Variants in GRK5 observed in about 807,000 individuals in gnomAD.
The protein encoded by GRK5 is g protein-coupled receptor kinase GRK5.
GRK5 carries 40 observed loss-of-function variants against 78.4 expected under a neutral mutation model. That is an observed-to-expected ratio of 0.51 (90% CI 0.40 to 0.66). GRK5 has a LOEUF of 0.66. Among genes scored for constraint, GRK5 ranks in the 30% least tolerant of loss-of-function variants. The pLI is 0.00. For synonymous variants in GRK5, 289 were observed against 296.8 expected, an observed-to-expected ratio of 0.97 and a Z score of 0.27; for missense variants, 598 against 759.9, an observed-to-expected ratio of 0.79 and a Z score of 2.50.
rs377141083 is a variant in GRK5 at position 119,300,241 on chromosome 10, G to A, written c.53-26275G>A. Among the ~76,000 whole-genome samples, 167 of 152,332 alleles carry A rather than the reference G, an allele frequency of 1.1e-3. 2 individuals are homozygous for A. The highest frequency in any genetic ancestry group is 4.0e-3 in the African/African-American group (166 of 41,576). ...GTTTTTAAAATGGAGAGGTGTGCAGGAAGTGAGCCAGCAAGGAAGGAGAAT... is the reference window on the plus strand; with the variant it reads ...GTTTTTAAAATGGAGAGGTGTGCAGAAAGTGAGCCAGCAAGGAAGGAGAAT... On this transcript the variant is annotated intron_variant, in intron 1 of 15. Coordinates refer to ENST00000392870, the MANE Select transcript of GRK5 (RefSeq NM_005308.3).
Position 119,423,202 on chromosome 10 carries a change from G to A in GRK5, c.376G>A (p.Val126Ile), listed in dbSNP as rs1195189085. 3 of 1,614,132 alleles carry A rather than the reference G, an allele frequency of 1.9e-6. No individual in the cohort carries two copies. The South Asian group carries it at 3.3e-5, about 18-fold the overall frequency. Residue 126 changes from valine (V) to isoleucine (I), a missense_variant, in exon 5 of 16, where the codon GTC becomes ATC. By Grantham distance (29) the Val-to-Ile change is conservative (BLOSUM62 3). Coordinates refer to ENST00000392870, the MANE Select transcript of GRK5 (RefSeq NM_005308.3). The part of the protein sequence containing the change: ...VFIAQVGQDL[V>I]SQTEEKLLQK... ...CATAGCCCAAGTTGGCCAAGACCTGGTCTCCCAGACGGAGGAGAAGCTCCT... is the reference window on the plus strand; with the variant it reads ...CATAGCCCAAGTTGGCCAAGACCTGATCTCCCAGACGGAGGAGAAGCTCCT...
chr10:119,299,432 C>CAAAAAAAAA (rs35231977), intron 1 of GRK5, among the ~76,000 whole-genome samples: 1 of 124,066 alleles, frequency 8.1e-6, no homozygotes. Flanking sequence ...GACTCCAGCT[C>CAAAAAAAAA]AAAAAAAAAA....
chr10:119,294,703 G>A (rs1312044199), intron 1 of GRK5, among the ~76,000 whole-genome samples: 2 of 152,166 alleles, frequency 1.3e-5, no homozygotes, highest in East Asian at 1.9e-4. Flanking sequence ...TAGGACAGGG[G>A]CCAGCAAACT....
At chr10:119,252,312 G>T (rs1227515573) in intron 1 of GRK5, among the ~76,000 whole-genome samples, 1 of 152,212 alleles carries the variant, frequency 6.6e-6, no homozygotes, top group East Asian at 1.9e-4. Context: ...GAGCTGTCTT[G>T]TTTCTCCTTT....
intron 1 of GRK5, among the ~76,000 whole-genome samples, chr10:119,290,228 T>A (rs1428994561): frequency 6.6e-6 from 1 of 151,400 alleles, no homozygotes; most frequent in Non-Finnish European, 1.5e-5. Flanking sequence ...GTGCCTGTAG[T>A]CCCGGTGACT....
chr10:119,401,095 G>T (rs1852142801), intron 4 of GRK5, among the ~76,000 whole-genome samples: 1 of 152,156 alleles, frequency 6.6e-6, no homozygotes, highest in South Asian at 2.1e-4. Context: ...GAAACACTGA[G>T]GGGAGCTCTG....
chr10:119,212,732 C>G (rs547280723), intron 1 of GRK5: 1 of 152,326 alleles, frequency 6.6e-6, no homozygotes, highest in East Asian at 1.9e-4. Context: ...TCATGCAACT[C>G]AGAGGTGAAA....
rs542773922 is a variant in GRK5, at chr10:119,249,777, A to G, written c.52+41808A>G. ...CGGCCTCCCAAAATGCTGGGATTAT[A>G]GGCGTGAGCCACTGCGTCCAGCTGA... On this transcript the variant is annotated intron_variant, in intron 1 of 15. Transcript: ENST00000392870. 2.0e-4 allele frequency among the ~76,000 whole-genome samples: 30 copies of G among 152,354 alleles called. 2 individuals carry two copies. In the South Asian group the frequency reaches 5.6e-3, roughly 28 times the overall value.
At chr10:119,331,136 G>A (rs1198814164) in intron 2 of GRK5, among the ~76,000 whole-genome samples, 2 of 152,154 alleles carry the variant, frequency 1.3e-5, no homozygotes, top group Non-Finnish European at 1.5e-5. Context: ...CCCCCCCGCC[G>A]CGACCATGGG....
At chr10:119,243,423 T>C (rs1288137035) in intron 1 of GRK5, among the ~76,000 whole-genome samples, 2 of 152,192 alleles carry the variant, frequency 1.3e-5, no homozygotes, top group Non-Finnish European at 2.9e-5. Flanking sequence ...ATCCCAACTA[T>C]AGTGCTTAGA....
intron 2 of GRK5, among the ~76,000 whole-genome samples, chr10:119,368,344 G>T (rs1851485563): frequency 6.6e-6 from 1 of 152,196 alleles, no homozygotes; most frequent in South Asian, 2.1e-4. Flanking sequence ...TGTTGCTCCA[G>T]CCGTATTGCC....
At chr10:119,237,342 C>T (rs1006575838) in intron 1 of GRK5, among the ~76,000 whole-genome samples, 5 of 152,198 alleles carry the variant, frequency 3.3e-5, no homozygotes, top group Non-Finnish European at 2.9e-5. Context: ...GGATTACAGG[C>T]GTAAGCCATC....
At chr10:119,293,799 G>T (rs960564077) in intron 1 of GRK5, among the ~76,000 whole-genome samples, 1 of 152,168 alleles carries the variant, frequency 6.6e-6, no homozygotes, top group Non-Finnish European at 1.5e-5. Context: ...CCTCGGGGTG[G>T]TACCCGAGTC....
In GRK5 at chr10:119,456,124, G is replaced by C. The variant is rs181068043; in HGVS notation, c.*1057G>C. On this transcript the variant is annotated 3_prime_UTR_variant, in exon 16 of 16. Transcript: ENST00000392870. The surrounding 1 kb of genome is among the most constrained non-coding windows in gnomAD (Gnocchi z 5.5). Reference sequence around the variant, plus strand: ...GACGGAGCAGCGTCGTGTCTGTAGCGGGGAGGGAGGCTGGCCCAGGGGCCC... The same window carrying C: ...GACGGAGCAGCGTCGTGTCTGTAGCCGGGAGGGAGGCTGGCCCAGGGGCCC... 11 of 152,500 alleles carry C rather than the reference G, an allele frequency of 7.2e-5. No individual in the cohort carries two copies. In the East Asian group the frequency reaches 1.9e-3, roughly 27 times the overall value. The allele number at this position is 152,500 out of a possible 1,614,324, so 9.4% of individuals were successfully genotyped here.
At chr10:119,223,179 C>T (rs564224430) in intron 1 of GRK5, among the ~76,000 whole-genome samples, 3 of 152,112 alleles carry the variant, frequency 2.0e-5, no homozygotes, top group Non-Finnish European at 4.4e-5. Context: ...CTGTCTTCTC[C>T]CTGTGCGTCT....
intron 2 of GRK5, among the ~76,000 whole-genome samples, chr10:119,327,647 C>T (rs913830002): frequency 3.3e-5 from 5 of 152,188 alleles, no homozygotes; most frequent in Non-Finnish European, 7.4e-5. Context: ...GGCCTCTTCA[C>T]GGTCTGTCCC....
intron 2 of GRK5, among the ~76,000 whole-genome samples, chr10:119,345,892 T>A (rs1192642256): frequency 6.6e-6 from 1 of 152,088 alleles, no homozygotes; most frequent in Non-Finnish European, 1.5e-5. Flanking sequence ...GATTTTCTTC[T>A]TGCTTCTAGG....
chr10:119,360,889 G>A (rs1851352355), intron 2 of GRK5, among the ~76,000 whole-genome samples: 1 of 152,176 alleles, frequency 6.6e-6, no homozygotes. Flanking sequence ...TGAGCCTGTG[G>A]CCGCTGCTTC....
intron 1 of GRK5, among the ~76,000 whole-genome samples, chr10:119,239,236 GTT>G (rs569617800): frequency 9.4e-5 from 13 of 138,770 alleles, no homozygotes; most frequent in African/African-American, 7.9e-5. Context: ...GGAGCAGAAG[GTT>G]TTTTTTTTTT....
Sources: allele counts gnomAD v4.1 joint callset (sites outside exome capture counted in the v4.1 genomes callset), GRCh38; gene constraint gnomAD v4.1.1; non-coding constraint Gnocchi (gnomAD v3.1); transcripts MANE v1.5; gene names NCBI Gene and HGNC (gene_info 2026-07-23, HGNC 2026-07-21).